Variants in MAPKBP1 observed in about 807,000 individuals in gnomAD.
MAPKBP1 encodes mitogen-activated protein kinase-binding protein 1.
In MAPKBP1, 71 loss-of-function variants were observed where a neutral mutation model predicts 170.5. The ratio of observed to expected loss-of-function variants is 0.42; its 90% confidence interval spans 0.34 to 0.51. The LOEUF is 0.51. MAPKBP1 is among the 20% of genes least tolerant of loss of function. MAPKBP1 has a pLI of 0.06. For synonymous variants in MAPKBP1, 719 were observed against 757.9 expected (o/e 0.95, Z 0.84); for missense variants, 1,598 against 1,933.0 (o/e 0.83, Z 3.25).
Position 41,817,715 on chromosome 15 carries a change from C to A in MAPKBP1, c.1884C>A (p.Gly628=). 1 of 1,613,958 alleles carries A rather than the reference C, an allele frequency of 6.2e-7. No homozygotes were observed. Among genetic ancestry groups the A allele is most frequent in the Non-Finnish European group, 8.5e-7 (1 of 1,179,914 alleles). ...VEPSWKYTAI[G]CQDRNIRIFN... Reference sequence around the variant, plus strand: ...CCAGCTGGAAGTACACGGCTATCGGCTGCCAGGACCGAAATATTCGGTGGG... The same window carrying A: ...CCAGCTGGAAGTACACGGCTATCGGATGCCAGGACCGAAATATTCGGTGGG... Residue 628 remains glycine, a synonymous_variant, in exon 16 of 31, where the codon GGC becomes GGA. Transcript: ENST00000457542. This position sits in a 1 kb window ranked among gnomAD's most constrained non-coding sequence, Gnocchi z 4.2.
chr15:41,800,831 C>T (rs1434044028), intron 3 of MAPKBP1, among the ~76,000 whole-genome samples: 1 of 152,240 alleles, frequency 6.6e-6, no homozygotes, highest in Non-Finnish European at 1.5e-5. Context: ...TGGCTGACTG[C>T]AGCCTCAGCC....
chr15:41,776,995 C>T (rs1048362350), intron 2 of MAPKBP1, among the ~76,000 whole-genome samples: 2 of 152,026 alleles, frequency 1.3e-5, no homozygotes, highest in African/African-American at 4.8e-5. Context: ...AGTATGTGTA[C>T]GTTGTTAATG....
intron 2 of MAPKBP1, among the ~76,000 whole-genome samples, chr15:41,786,777 A>AAAAAAAAAAAATATATATATATATAT: frequency 9.2e-5 from 3 of 32,470 alleles, no homozygotes; most frequent in Admixed American, 3.9e-4. Context: ...AAAAAAAAAA[A>AAAAAAAAAAAATATATATATATATAT]ATATATATAT....
chr15:41,815,388 C>T lies in MAPKBP1; in HGVS notation c.1300C>T (p.Arg434Ter), dbSNP rs202001274. 2 of 1,614,208 alleles carry T rather than the reference C, an allele frequency of 1.2e-6. No homozygotes were observed. The highest frequency in any genetic ancestry group is 1.7e-6 in the Non-Finnish European group (2 of 1,180,036). ...CGGGGTGCATGGCTCCACCCTCCAC[C>T]GAAACATCCTCAGCAGTGTGAGCCC... is the stretch of plus-strand genomic sequence containing the variant. ...SSGVHGSTLH[R>*]NILSSDLIKI... Residue 434 changes from arginine (R) to a stop codon, truncating the protein, a stop_gained, in exon 11 of 31, where the codon CGA becomes TGA. Coordinates refer to ENST00000457542, the MANE Select transcript of MAPKBP1 (RefSeq NM_014994.3). LOFTEE classifies it high-confidence loss of function.
At position 41,819,628 on chromosome 15, in the gene MAPKBP1, T is replaced by C. The variant is rs778105037; in HGVS notation, c.2459T>C (p.Leu820Pro). Residue 820 changes from leucine to proline, a missense_variant, in exon 22 of 31, where the codon CTG (leucine) becomes CCG (proline). Around this residue, in one of 6 missense-constraint regions of MAPKBP1, gnomAD observed 942 missense variants for 953.2 expected, o/e 0.99. Coordinates refer to ENST00000457542, the MANE Select transcript of MAPKBP1 (RefSeq NM_014994.3). ...SVPSPALPRS[L>P]SHWEMSRAQE... ...CCCAGCCCAGCTTTGCCCCGAAGCCTGTCCCACTGGGAGATGAGTCGGGTG... is the reference window on the plus strand; with the variant it reads ...CCCAGCCCAGCTTTGCCCCGAAGCCCGTCCCACTGGGAGATGAGTCGGGTG... 6.2e-7 allele frequency: 1 copy of C among 1,610,196 alleles called. No homozygotes were observed. The highest frequency in any genetic ancestry group is 1.1e-5 in the South Asian group (1 of 90,992).
At chr15:41,799,336 C>A (rs2064549368) in intron 2 of MAPKBP1, among the ~76,000 whole-genome samples, 1 of 152,076 alleles carries the variant, frequency 6.6e-6, no homozygotes, top group Admixed American at 6.6e-5. Context: ...TGATAGAATG[C>A]AAAGGTCAGG....
In MAPKBP1 at chr15:41,786,789, T is replaced by A. The variant is rs1465691258; in HGVS notation, c.114+11400T>A. Among the ~76,000 whole-genome samples, 260 of 110,872 alleles carry A rather than the reference T, an allele frequency of 2.3e-3. 16 individuals carry two copies. The highest frequency in any genetic ancestry group is 5.9e-3 in the Middle Eastern group (1 of 170). The allele number at this position is 110,872 out of a possible 152,430, so 72.7% of individuals were successfully genotyped here. A position where few individuals can be genotyped will look rare whatever the true frequency, so the allele number is the denominator to read the frequency against. ...AAAAAAAAAAAAAAATATATATATATATATATATATATATAGGTATAATAA... is the reference window on the plus strand; with the variant it reads ...AAAAAAAAAAAAAAATATATATATAAATATATATATATATAGGTATAATAA... On this transcript the variant is annotated intron_variant, in intron 2 of 30. Transcript: ENST00000457542.
Position 41,775,521 on chromosome 15 carries a change from G to A in MAPKBP1, c.114+132G>A, listed in dbSNP as rs149158040. 1.2e-4 allele frequency: 80 copies of A among 680,684 alleles called. No individual in the cohort carries two copies. In the East Asian group the frequency reaches 1.9e-3, roughly 16 times the overall value. The allele number at this position is 680,684 out of a possible 1,614,324, so 42.2% of individuals were successfully genotyped here. ...CTCTAAAGGATCACATATGATCTCTGCAGGCAATGATTTGGTTTTAGGTTG... is the reference window on the plus strand; with the variant it reads ...CTCTAAAGGATCACATATGATCTCTACAGGCAATGATTTGGTTTTAGGTTG... On this transcript the variant is annotated intron_variant, in intron 2 of 30. Transcript: ENST00000457542.
At chr15:41,798,376 A>G (rs918314707) in intron 2 of MAPKBP1, among the ~76,000 whole-genome samples, 2 of 150,998 alleles carry the variant, frequency 1.3e-5, no homozygotes, top group African/African-American at 4.9e-5. Context: ...TCCACCTCCC[A>G]GGTTCAAATG....
At chr15:41,795,992 A>G (rs533143192) in intron 2 of MAPKBP1, among the ~76,000 whole-genome samples, 4 of 152,334 alleles carry the variant, frequency 2.6e-5, no homozygotes, top group Admixed American at 2.0e-4. Flanking sequence ...CAGGGAGAGC[A>G]TGTGGGTGTT....
At chr15:41,806,936 C>T (rs1005504340) in intron 3 of MAPKBP1, among the ~76,000 whole-genome samples, 1 of 152,236 alleles carries the variant, frequency 6.6e-6, no homozygotes, top group Admixed American at 6.5e-5. Flanking sequence ...GGAGCCCTGG[C>T]TATGCTGCTC....
intron 2 of MAPKBP1, among the ~76,000 whole-genome samples, chr15:41,776,153 T>C (rs962621491): frequency 1.3e-5 from 2 of 152,254 alleles, no homozygotes; most frequent in African/African-American, 4.8e-5. Flanking sequence ...TCGACATTTA[T>C]TTAATCCCTT....
In MAPKBP1 at chr15:41,822,105, C is replaced by A. The variant is rs201240483; in HGVS notation, c.3026C>A (p.Thr1009Asn). The A allele has an allele frequency of 2.6e-5, 41 of 1,574,314 alleles. No homozygotes were observed. Among genetic ancestry groups the A allele is most frequent in the Non-Finnish European group, 3.2e-5 (37 of 1,157,434 alleles). ...TGCCTTTCCAGCCCGGAGCACCCCACTGAAGGTGAGGCTGTAGCCTGGAGG... is the reference window on the plus strand; with the variant it reads ...TGCCTTTCCAGCCCGGAGCACCCCAATGAAGGTGAGGCTGTAGCCTGGAGG... ...SSCLSSPEHP[T>N]EDSESTEPLS... The change falls in exon 25 of 31, where the codon ACT becomes AAT. Residue 1009 changes from threonine to asparagine, a missense_variant. Physicochemically the swap from Thr to Asn is moderately conservative, Grantham distance 65. This residue lies in a region of MAPKBP1 where 942 missense variants were observed against 953.2 expected (regional missense o/e 0.99). Coordinates refer to ENST00000457542, the MANE Select transcript of MAPKBP1 (RefSeq NM_014994.3).
At chr15:41,800,279 T>G (rs1315207898) in intron 3 of MAPKBP1, among the ~76,000 whole-genome samples, 1 of 152,196 alleles carries the variant, frequency 6.6e-6, no homozygotes, top group Non-Finnish European at 1.5e-5. Context: ...ATTCAGTAGT[T>G]TTTTAGTATA....
At chr15:41,811,897 G>C in intron 5 of MAPKBP1, 60 bp from the exon 6 acceptor site, 1 of 1,581,908 alleles carries the variant, frequency 6.3e-7, no homozygotes, top group Non-Finnish European at 8.7e-7. Context: ...GGAAGACGAA[G>C]TGGGGCTGTA....
rs878982115 is a variant in MAPKBP1, at chr15:41,817,296, C to T, written c.1712-92C>T. On this transcript the variant is annotated intron_variant, in intron 14 of 30. Transcript: ENST00000457542. This position sits in a 1 kb window ranked among gnomAD's most constrained non-coding sequence, Gnocchi z 4.2. ...TGGTTTTCCCTGGCATGTAGAGTAGCTTGATGGGGGATCTCATGGAGGGAA... is the reference window on the plus strand; with the variant it reads ...TGGTTTTCCCTGGCATGTAGAGTAGTTTGATGGGGGATCTCATGGAGGGAA... The T allele has an allele frequency of 4.3e-6, 6 of 1,384,660 alleles. No homozygotes were observed. Among genetic ancestry groups the T allele is most frequent in the African/African-American group, 2.8e-5 (2 of 70,332 alleles). The allele number at this position is 1,384,660 out of a possible 1,614,324, so 85.8% of individuals were successfully genotyped here.
At position 41,818,592 on chromosome 15, in the gene MAPKBP1, A is replaced by G; in HGVS notation, c.2156+10A>G. 6.2e-7 allele frequency: 1 copy of G among 1,609,464 alleles called. No individual in the cohort carries two copies. The highest frequency in any genetic ancestry group is 8.5e-7 in the Non-Finnish European group (1 of 1,177,780). ...CTGTGTCTGGGGACAGGTGAGCAGA[A>G]GCCAGCTTCCCTGAGAGGCAGATTC... On this transcript the variant is annotated intron_variant, in intron 19 of 30. Coordinates refer to ENST00000457542, the MANE Select transcript of MAPKBP1 (RefSeq NM_014994.3). This position sits in a 1 kb window ranked among gnomAD's most constrained non-coding sequence, Gnocchi z 5.2.
At chr15:41,800,868 G>A (rs2064579984) in intron 3 of MAPKBP1, among the ~76,000 whole-genome samples, 1 of 152,158 alleles carries the variant, frequency 6.6e-6, no homozygotes. Flanking sequence ...TGAATAGCTG[G>A]AGCTATGGGT....
chr15:41,774,731 G>T, intron 1 of MAPKBP1, 121 bp downstream of exon 1: 1 of 399,986 alleles, frequency 2.5e-6, no homozygotes, highest in Non-Finnish European at 4.4e-6. Flanking sequence ...AGGGAGTGGG[G>T]GAGGGAGGCT....
Sources: allele counts gnomAD v4.1 joint callset (sites outside exome capture counted in the v4.1 genomes callset), GRCh38; gene constraint gnomAD v4.1.1; regional missense constraint gnomAD v4.1.1; non-coding constraint Gnocchi (gnomAD v3.1); transcripts MANE v1.5; gene names NCBI Gene and HGNC (gene_info 2026-07-23, HGNC 2026-07-21).